The following CATSPERD variants were observed in gnomAD, a reference collection of about 807,000 sequenced individuals.
CATSPERD encodes cation channel sperm-associated auxiliary subunit delta.
In CATSPERD, 86 loss-of-function variants were observed where a neutral mutation model predicts 98.1. The observed-to-expected ratio is 0.88, with a 90% CI of 0.74 to 1.05. CATSPERD has a LOEUF of 1.05. Ranked by LOEUF, CATSPERD falls within the 50% of genes least tolerant of loss-of-function variation. CATSPERD has a pLI of 0.00. For synonymous variants in CATSPERD, 394 were observed against 390.2 expected (o/e 1.01, Z -0.12); for missense variants, 995 against 1,005.7 (o/e 0.99, Z 0.14).
chr19:5,723,317 C>G (rs1239148377), intron 1 of CATSPERD, among the ~76,000 whole-genome samples: 1 of 151,820 alleles, frequency 6.6e-6, no homozygotes, highest in Non-Finnish European at 1.5e-5. Flanking sequence ...GAGGCTTGCT[C>G]TGTCGCCCAG....
At position 5,720,654 on chromosome 19, in the gene CATSPERD, G is replaced by A; in HGVS notation, c.-84G>A. 7.3e-7 allele frequency: 1 copy of A among 1,363,594 alleles called. No homozygotes were observed. Among genetic ancestry groups the A allele is most frequent in the Non-Finnish European group, 1.0e-6 (1 of 982,532 alleles). 84.5% of individuals were successfully genotyped at this position (1,363,594 alleles called of 1,614,324 possible). A position where few individuals can be genotyped will look rare whatever the true frequency, so the allele number is the denominator to read the frequency against. On this transcript the variant is annotated 5_prime_UTR_variant, in exon 1 of 22. Transcript: ENST00000381624. Reference sequence around the variant, plus strand: ...CGGGACTCATTGATGCGCATGCGCAGGGCTTCAGCCTGCACGTACTCGGAT... The same window carrying A: ...CGGGACTCATTGATGCGCATGCGCAAGGCTTCAGCCTGCACGTACTCGGAT...
intron 18 of CATSPERD, among the ~76,000 whole-genome samples, 177 bp from the exon 19 acceptor site, chr19:5,770,767 A>G (rs2056628805): frequency 6.6e-6 from 1 of 152,124 alleles, no homozygotes; most frequent in Non-Finnish European, 1.5e-5. Context: ...AAAATTAACT[A>G]GAACAGAAGT....
chr19:5,777,173 C>G (rs950404757), intron 21 of CATSPERD, among the ~76,000 whole-genome samples: 1 of 152,100 alleles, frequency 6.6e-6, no homozygotes, highest in Non-Finnish European at 1.5e-5. Context: ...TATCACCTGT[C>G]CTCTCCAGTA....
At chr19:5,776,565 C>T (rs767458843) in intron 21 of CATSPERD, among the ~76,000 whole-genome samples, 3 of 152,176 alleles carry the variant, frequency 2.0e-5, no homozygotes, top group Non-Finnish European at 2.9e-5. Context: ...TGCCCTGGCG[C>T]ACCTGAGTCG....
intron 12 of CATSPERD, chr19:5,753,708 A>T: frequency 1.2e-5 from 3 of 247,868 alleles, no homozygotes; most frequent in East Asian, 1.1e-4. Context: ...GTCTCTATTA[A>T]AAAAAAAAAA....
chr19:5,720,669 CG>C lies in CATSPERD; in HGVS notation c.-68del, dbSNP rs576225462. On this transcript the variant is annotated 5_prime_UTR_variant, in exon 1 of 22. It removes the in-frame stop codon of an upstream open reading frame in the 5' UTR. Transcript: ENST00000381624. ...CGCATGCGCAGGGCTTCAGCCTGCA[CG>C]TACTCGGATTGTGCAGCGACTCCCC... 8.9e-4 allele frequency: 1,320 copies of C among 1,476,932 alleles called. 17 individuals are homozygous for C. Among genetic ancestry groups the C allele is most frequent in the South Asian group, 8.9e-3 (764 of 85,822 alleles). 91.5% of individuals were successfully genotyped at this position (1,476,932 alleles called of 1,614,324 possible). A position where few individuals can be genotyped will look rare whatever the true frequency, so the allele number is the denominator to read the frequency against.
chr19:5,721,235 C>G (rs1599494258), intron 1 of CATSPERD, among the ~76,000 whole-genome samples: 1 of 152,146 alleles, frequency 6.6e-6, no homozygotes, highest in Non-Finnish European at 1.5e-5. Flanking sequence ...ATCTCCTGAC[C>G]TCGTGACCCG....
At chr19:5,777,552 G>A (rs951915811) in intron 21 of CATSPERD, among the ~76,000 whole-genome samples, 3 of 152,194 alleles carry the variant, frequency 2.0e-5, no homozygotes, top group African/African-American at 7.2e-5. Flanking sequence ...CCTGGTGACA[G>A]CTGCCAGAGG....
intron 10 of CATSPERD, among the ~76,000 whole-genome samples, chr19:5,748,748 T>TTTTTTTTTG (rs1191981054): frequency 6.8e-6 from 1 of 146,392 alleles, no homozygotes; most frequent in Non-Finnish European, 1.5e-5. Flanking sequence ...TTTTTTTTTT[T>TTTTTTTTTG]GAGATGGAGT....
At chr19:5,748,639 A>AG (rs2056143107) in intron 10 of CATSPERD, among the ~76,000 whole-genome samples, 1 of 151,370 alleles carries the variant, frequency 6.6e-6, no homozygotes, top group African/African-American at 2.4e-5. Context: ...AAAAAAAAAA[A>AG]AAAGCTTCAA....
chr19:5,757,811 G>A (rs374511743), intron 13 of CATSPERD, 32 bp from the exon 14 acceptor site: 66 of 1,576,824 alleles, frequency 4.2e-5, no homozygotes, highest in Admixed American at 6.8e-5. Context: ...TGCTGGCTCC[G>A]TACAGCCTGA....
At chr19:5,772,394 A>T in intron 19 of CATSPERD, 1 of 252,206 alleles carries the variant, frequency 4.0e-6, no homozygotes, top group Non-Finnish European at 8.0e-6. Flanking sequence ...CGCCCGGCTA[A>T]TTTTTTTTAT....
rs889049576 is a variant in CATSPERD, at chr19:5,726,054, C to G, written c.126+1192C>G. Among the ~76,000 whole-genome samples the G allele has an allele frequency of 2.6e-5, 4 of 151,532 alleles. No individual in the cohort carries two copies. In the East Asian group the frequency reaches 7.7e-4, roughly 29 times the overall value. Reference sequence around the variant, plus strand: ...ATGAGATGTGATATGAATAATTACCCTGTTAATTTTTTTTTTTTTTTTCCT... The same window carrying G: ...ATGAGATGTGATATGAATAATTACCGTGTTAATTTTTTTTTTTTTTTTCCT... On this transcript the variant is annotated intron_variant, in intron 2 of 21. Coordinates refer to ENST00000381624, the MANE Select transcript of CATSPERD (RefSeq NM_152784.4).
chr19:5,743,871 C>G (rs531862603), intron 7 of CATSPERD, among the ~76,000 whole-genome samples: 1 of 152,158 alleles, frequency 6.6e-6, no homozygotes, highest in Non-Finnish European at 1.5e-5. Context: ...GACTCCCAGG[C>G]AGGAATGAAA....
At chr19:5,778,123 C>T (rs2056765508) in intron 21 of CATSPERD, among the ~76,000 whole-genome samples, 2 of 148,604 alleles carry the variant, frequency 1.3e-5, no homozygotes, top group Non-Finnish European at 1.5e-5. Flanking sequence ...AGGAGAATTG[C>T]TTGAATTCAG....
intron 13 of CATSPERD, among the ~76,000 whole-genome samples, chr19:5,755,041 G>C (rs1175847905): frequency 2.7e-5 from 4 of 149,836 alleles, no homozygotes; most frequent in South Asian, 4.2e-4. Context: ...ATGGGGTTTT[G>C]CCATGTTGGT....
Position 5,741,468 on chromosome 19 carries a change from G to T in CATSPERD, c.573+2029G>T, listed in dbSNP as rs535235567. 3.3e-5 allele frequency among the ~76,000 whole-genome samples: 5 copies of T among 152,172 alleles called. No individual in the cohort carries two copies. The South Asian group carries it at 1.0e-3, about 32-fold the overall frequency. ...CTATGTTGGGGGGTCCTCTGGAGGGGCAAGAGCCACGTCCTCACACAGCAG... is the reference window on the plus strand; with the variant it reads ...CTATGTTGGGGGGTCCTCTGGAGGGTCAAGAGCCACGTCCTCACACAGCAG... On this transcript the variant is annotated intron_variant, in intron 7 of 21. Transcript: ENST00000381624.
At chr19:5,748,728 CTTTTT>C (rs527796326) in intron 10 of CATSPERD, among the ~76,000 whole-genome samples, 1 of 94,080 alleles carries the variant, frequency 1.1e-5, no homozygotes, top group African/African-American at 4.3e-5. Context: ...TCATATTATT[CTTTTT>C]TTTTTTTTTT....
rs536996664 is a variant in CATSPERD at position 5,723,572 on chromosome 19, C to A, written c.72-1236C>A. Among the ~76,000 whole-genome samples the A allele has an allele frequency of 6.6e-4, 98 of 148,650 alleles. 1 individual carries two copies. Among genetic ancestry groups the A allele is most frequent in the Admixed American group, 3.4e-3 (49 of 14,532 alleles). On this transcript the variant is annotated intron_variant, in intron 1 of 21. Coordinates refer to ENST00000381624, the MANE Select transcript of CATSPERD (RefSeq NM_152784.4). Reference sequence around the variant, plus strand: ...CTCTGCCTTCTGGGTTCACACCATTCTCCTGCCTCAGCCTCCCGAGTAGCT... The same window carrying A: ...CTCTGCCTTCTGGGTTCACACCATTATCCTGCCTCAGCCTCCCGAGTAGCT...
Sources: allele counts gnomAD v4.1 joint callset (sites outside exome capture counted in the v4.1 genomes callset), GRCh38; gene constraint gnomAD v4.1.1; transcripts MANE v1.5; gene names NCBI Gene and HGNC (gene_info 2026-07-23, HGNC 2026-07-21).